Variants in ZNRF2 observed in about 807,000 individuals in gnomAD.
ZNRF2 encodes zinc and ring finger 2, also known as E3 ubiquitin-protein ligase ZNRF2.
A neutral mutation model predicts 20.4 loss-of-function variants in ZNRF2; 16 were observed. That is an observed-to-expected ratio of 0.79 (90% CI 0.53 to 1.19). ZNRF2 has a LOEUF of 1.19. Among genes scored for constraint, ZNRF2 ranks in the 50% most tolerant of loss-of-function variants. The pLI, the probability that ZNRF2 is intolerant of heterozygous loss-of-function variation, is 0.00. For missense variants in ZNRF2, 363 were observed against 332.4 expected, an observed-to-expected ratio of 1.09 and a Z score of -0.72; for synonymous variants, 178 against 144.9, an observed-to-expected ratio of 1.23 and a Z score of -1.64.
In ZNRF2 at chr7:30,323,114, A is replaced by C. The variant is rs182968091; in HGVS notation, c.470-528A>C. On this transcript the variant is annotated intron_variant, in intron 1 of 4. Coordinates refer to ENST00000323037, the MANE Select transcript of ZNRF2 (RefSeq NM_147128.4). ...GTGGCAGAAAGACCATTAAAGTAGA[A>C]GTCAGGAGTCTTAGATTCTAGACCT... Among the ~76,000 whole-genome samples the C allele has an allele frequency of 5.3e-5, 8 of 152,318 alleles. No individual in the cohort carries two copies. The East Asian group carries it at 1.5e-3, about 29-fold the overall frequency.
At chr7:30,340,622 C>A (rs1321828144) in intron 2 of ZNRF2, among the ~76,000 whole-genome samples, 1 of 152,116 alleles carries the variant, frequency 6.6e-6, no homozygotes, top group East Asian at 1.9e-4. Context: ...TTTTGATGTG[C>A]TGCTGGATTC....
chr7:30,319,948 G>A (rs753354427), intron 1 of ZNRF2, among the ~76,000 whole-genome samples: 1 of 152,028 alleles, frequency 6.6e-6, no homozygotes, highest in Non-Finnish European at 1.5e-5. Flanking sequence ...GTAATATTTA[G>A]TACTGTTTTG....
intron 1 of ZNRF2, among the ~76,000 whole-genome samples, chr7:30,318,686 G>T (rs1799415630): frequency 6.6e-6 from 1 of 152,150 alleles, no homozygotes; most frequent in Non-Finnish European, 1.5e-5. Context: ...GAGATACAAA[G>T]AAAAATCTTT....
At chr7:30,346,149 T>G (rs1218033384) in intron 2 of ZNRF2, among the ~76,000 whole-genome samples, 1 of 149,770 alleles carries the variant, frequency 6.7e-6, no homozygotes, top group Non-Finnish European at 1.5e-5. Context: ...TTTCAGTGTT[T>G]TTTTTTTTCT....
At chr7:30,354,887 C>G (rs984103855) in intron 2 of ZNRF2, among the ~76,000 whole-genome samples, 1 of 152,086 alleles carries the variant, frequency 6.6e-6, no homozygotes, top group African/African-American at 2.4e-5. Flanking sequence ...CTTACATACT[C>G]TATTTTAAGC....
chr7:30,301,352 A>G (rs1049302555), intron 1 of ZNRF2, among the ~76,000 whole-genome samples: 1 of 152,092 alleles, frequency 6.6e-6, no homozygotes, highest in Non-Finnish European at 1.5e-5. Flanking sequence ...GTGTGGTGGC[A>G]CACACCTGTA....
At chr7:30,358,511 A>G (rs531879650) in intron 3 of ZNRF2, among the ~76,000 whole-genome samples, 2 of 152,360 alleles carry the variant, frequency 1.3e-5, no homozygotes, top group East Asian at 3.9e-4. Flanking sequence ...AGTTAATACT[A>G]CCTTAGTCAA....
At chr7:30,318,086 C>T (rs1265214192) in intron 1 of ZNRF2, among the ~76,000 whole-genome samples, 1 of 152,092 alleles carries the variant, frequency 6.6e-6, no homozygotes, top group African/African-American at 2.4e-5. Context: ...GTTTTAGGGA[C>T]AGTATAAAGG....
At chr7:30,354,967 A>G (rs1453830556) in intron 2 of ZNRF2, among the ~76,000 whole-genome samples, 1 of 152,194 alleles carries the variant, frequency 6.6e-6, no homozygotes, top group African/African-American at 2.4e-5. Flanking sequence ...ACATGGATTG[A>G]GAGAACCTTA....
intron 1 of ZNRF2, among the ~76,000 whole-genome samples, chr7:30,320,583 CGGT>C (rs1562611890): frequency 1.3e-5 from 2 of 152,030 alleles, no homozygotes; most frequent in Non-Finnish European, 2.9e-5. Context: ...TAATGAAACT[CGGT>C]GGTGCTGAGC....
chr7:30,320,662 AGC>A (rs1799455093), intron 1 of ZNRF2, among the ~76,000 whole-genome samples: 1 of 152,212 alleles, frequency 6.6e-6, no homozygotes, highest in Non-Finnish European at 1.5e-5. Flanking sequence ...AAGGTAGGCT[AGC>A]CTAAGCTACG....
intron 3 of ZNRF2, 143 bp downstream of exon 3, chr7:30,355,976 C>G: frequency 1.8e-6 from 1 of 568,340 alleles, no homozygotes; most frequent in Non-Finnish European, 3.1e-6. Context: ...TCTTTTTTCT[C>G]TATTTGAACT....
At chr7:30,288,071 A>G (rs943216653) in intron 1 of ZNRF2, among the ~76,000 whole-genome samples, 2 of 152,168 alleles carry the variant, frequency 1.3e-5, no homozygotes, top group African/African-American at 4.8e-5. Context: ...ATTTTTACCT[A>G]TATTTTAGTG....
intron 3 of ZNRF2, among the ~76,000 whole-genome samples, chr7:30,362,119 C>A (rs1259599239): frequency 1.3e-5 from 2 of 152,094 alleles, no homozygotes; most frequent in East Asian, 3.9e-4. Context: ...AGTGGTAGTT[C>A]AGATTATCTT....
chr7:30,352,245 C>A (rs1799971211), intron 2 of ZNRF2, among the ~76,000 whole-genome samples: 1 of 151,908 alleles, frequency 6.6e-6, no homozygotes, highest in Non-Finnish European at 1.5e-5. Flanking sequence ...TAGGCTCTTT[C>A]TACTTAAACA....
At chr7:30,324,638 A>G (rs532927428) in intron 2 of ZNRF2, among the ~76,000 whole-genome samples, 1 of 152,258 alleles carries the variant, frequency 6.6e-6, no homozygotes, top group Non-Finnish European at 1.5e-5. Context: ...TTGTTAATCT[A>G]AAAGGATTTC....
rs188094669 is a variant in ZNRF2, at chr7:30,366,124, A to C, written c.*112A>C. 2.6e-4 allele frequency: 40 copies of C among 152,764 alleles called. No individual in the cohort carries two copies. Among genetic ancestry groups the C allele is most frequent in the Admixed American group, 2.2e-3 (33 of 15,298 alleles). 9.5% of individuals were successfully genotyped at this position (152,764 alleles called of 1,614,324 possible). ...CAAAGACGCAGGCATACTCAGCCAG[A>C]AATCTGAGTTTTGTGAGACTTGGTA... On this transcript the variant is annotated 3_prime_UTR_variant, in exon 5 of 5. Transcript: ENST00000323037.
intron 1 of ZNRF2, among the ~76,000 whole-genome samples, chr7:30,319,961 G>C (rs150867383): frequency 3.0e-3 from 460 of 152,236 alleles, no homozygotes; most frequent in Middle Eastern, 0.014. Context: ...CTGTTTTGTA[G>C]AGATAATTCC....
chr7:30,330,657 T>C (rs757707054), intron 2 of ZNRF2, among the ~76,000 whole-genome samples: 8 of 152,188 alleles, frequency 5.3e-5, no homozygotes, highest in Non-Finnish European at 1.0e-4. Flanking sequence ...AAGCCTATCT[T>C]CTGCCTTATA....
Sources: allele counts gnomAD v4.1 joint callset (sites outside exome capture counted in the v4.1 genomes callset), GRCh38; gene constraint gnomAD v4.1.1; transcripts MANE v1.5; gene names NCBI Gene and HGNC (gene_info 2026-07-23, HGNC 2026-07-21).